Variants in DOCK1 observed in about 807,000 individuals in gnomAD.
DOCK1 encodes dedicator of cytokinesis protein 1.
A neutral mutation model predicts 262.7 loss-of-function variants in DOCK1; 138 were observed. That is an observed-to-expected ratio of 0.53 (90% CI 0.46 to 0.61). The LOEUF (loss-of-function observed/expected upper bound fraction) is 0.61, where lower values mean the gene tolerates loss of function less well. Ranked by LOEUF, DOCK1 falls within the 20% of genes least tolerant of loss-of-function variation. The pLI is 0.00. For synonymous variants in DOCK1, 866 were observed against 867.4 expected (o/e 1.00, Z 0.03); for missense variants, 1,908 against 2,370.7 (o/e 0.80, Z 4.05).
chr10:127,175,735 C>A lies in DOCK1; in HGVS notation c.2847+47971C>A. On this transcript the variant is annotated intron_variant, in intron 27 of 51. Coordinates refer to ENST00000623213, the MANE Select transcript of DOCK1 (RefSeq NM_001290223.2). The surrounding 1 kb of genome is among the most constrained non-coding windows in gnomAD (Gnocchi z 6.3). ...TTGGCCCTCCCGAGCAGCTGGTAAT[C>A]GGGCTCTTCGGATGGAGGCCGAGTG... 1 of 1,614,078 alleles carries A rather than the reference C, an allele frequency of 6.2e-7. No homozygotes were observed. Among genetic ancestry groups the A allele is most frequent in the Non-Finnish European group, 8.5e-7 (1 of 1,180,032 alleles).
intron 1 of DOCK1, among the ~76,000 whole-genome samples, chr10:126,925,211 A>G (rs1431474516): frequency 6.6e-6 from 1 of 152,224 alleles, no homozygotes; most frequent in Admixed American, 6.5e-5. Context: ...CTGGGCAATA[A>G]GCCTAACATA....
At chr10:127,078,535 T>C (rs912259944) in intron 23 of DOCK1, among the ~76,000 whole-genome samples, 9 of 152,160 alleles carry the variant, frequency 5.9e-5, no homozygotes, top group African/African-American at 1.7e-4. Context: ...TGACATTCTG[T>C]GTATGCGCAA....
chr10:126,981,836 A>G (rs551016968), intron 3 of DOCK1, 82 bp from the exon 4 acceptor site: 36 of 1,437,088 alleles, frequency 2.5e-5, no homozygotes, highest in Non-Finnish European at 3.0e-5. Flanking sequence ...CCCTCACCCC[A>G]CCTTTTTGGG....
At chr10:126,911,690 C>T (rs1036567095) in intron 1 of DOCK1, among the ~76,000 whole-genome samples, 2 of 152,126 alleles carry the variant, frequency 1.3e-5, no homozygotes, top group Non-Finnish European at 2.9e-5. Flanking sequence ...AGCCTGGTTT[C>T]TGCGTTTTTA....
chr10:127,295,521 C>CA (rs1050972681), intron 29 of DOCK1, among the ~76,000 whole-genome samples: 8 of 151,818 alleles, frequency 5.3e-5, no homozygotes, highest in Admixed American at 3.9e-4. Context: ...CCCCTCCCTA[C>CA]AAAAAAAATT....
rs539803939 is a variant in DOCK1 at position 127,074,686 on chromosome 10, T to C, written c.2445+12910T>C. 4.0e-3 allele frequency among the ~76,000 whole-genome samples: 605 copies of C among 152,318 alleles called. 1 individual carries two copies. Among genetic ancestry groups the C allele is most frequent in the Middle Eastern group, 6.8e-3 (2 of 294 alleles). On this transcript the variant is annotated intron_variant, in intron 23 of 51. Transcript: ENST00000623213. Reference sequence around the variant, plus strand: ...AGATAGTAATTCTTAGCATCACTATTTTTTAAATCACAAATTGTCTTCTAT... The same window carrying C: ...AGATAGTAATTCTTAGCATCACTATCTTTTAAATCACAAATTGTCTTCTAT...
intron 24 of DOCK1, among the ~76,000 whole-genome samples, chr10:127,108,741 A>G (rs1391141996): frequency 6.6e-6 from 1 of 152,236 alleles, no homozygotes; most frequent in Non-Finnish European, 1.5e-5. Context: ...AGCAGCAACA[A>G]TAGACGCAGC....
chr10:127,020,775 G>GA (rs2042361354), intron 13 of DOCK1, among the ~76,000 whole-genome samples: 2 of 152,154 alleles, frequency 1.3e-5, no homozygotes, highest in Non-Finnish European at 1.5e-5. Context: ...CAGAGAGAGA[G>GA]AGAGTATGGG....
chr10:127,073,353 A>G (rs926348986), intron 23 of DOCK1, among the ~76,000 whole-genome samples: 5 of 152,210 alleles, frequency 3.3e-5, no homozygotes, highest in Non-Finnish European at 7.3e-5. Flanking sequence ...TCAACACAAT[A>G]TTTATGGAGA....
chr10:127,180,895 T>C (rs548566689), intron 27 of DOCK1, among the ~76,000 whole-genome samples: 22 of 152,344 alleles, frequency 1.4e-4, no homozygotes, highest in South Asian at 4.1e-4. Context: ...GGTATTAAGA[T>C]AGCACATTCG....
rs2040356996 is a variant in DOCK1 at position 126,998,345 on chromosome 10, C to T, written c.767+96C>T. The T allele has an allele frequency of 4.0e-6, 6 of 1,509,236 alleles. No individual in the cohort carries two copies. The Admixed American group carries it at 8.9e-5, about 22-fold the overall frequency. 93.5% of individuals were successfully genotyped at this position (1,509,236 alleles called of 1,614,324 possible). A position where few individuals can be genotyped will look rare whatever the true frequency, so the allele number is the denominator to read the frequency against. On this transcript the variant is annotated intron_variant, in intron 8 of 51. Transcript: ENST00000623213. ...AAGCGTCCCATTCATGCTGAGAGGCCTTGGATGAATGGCTGCTGGACACGA... is the reference window on the plus strand; with the variant it reads ...AAGCGTCCCATTCATGCTGAGAGGCTTTGGATGAATGGCTGCTGGACACGA...
At chr10:127,291,725 G>C (rs1314777053) in intron 29 of DOCK1, among the ~76,000 whole-genome samples, 1 of 152,208 alleles carries the variant, frequency 6.6e-6, no homozygotes, top group Non-Finnish European at 1.5e-5. Flanking sequence ...ACAGAGCTCG[G>C]CCTTTCTGCT....
intron 32 of DOCK1, among the ~76,000 whole-genome samples, chr10:127,359,530 A>G (rs552700050): frequency 6.6e-6 from 1 of 152,344 alleles, no homozygotes; most frequent in East Asian, 1.9e-4. Context: ...TAATACAAGG[A>G]AAGTGTCACC....
At chr10:127,401,587 A>G (rs1201636403) in intron 38 of DOCK1, among the ~76,000 whole-genome samples, 2 of 152,118 alleles carry the variant, frequency 1.3e-5, no homozygotes, top group Non-Finnish European at 2.9e-5. Flanking sequence ...TTTGCCTCTC[A>G]ATTCACATGC....
chr10:127,049,477 C>T (rs947608532), intron 21 of DOCK1, among the ~76,000 whole-genome samples: 35 of 151,958 alleles, frequency 2.3e-4, no homozygotes, highest in Non-Finnish European at 4.6e-4. Flanking sequence ...GCCACGATCA[C>T]GCTACTGCAC....
At chr10:127,028,736 G>GTTCACAGCTA (rs2043045238) in intron 16 of DOCK1, among the ~76,000 whole-genome samples, 1 of 152,206 alleles carries the variant, frequency 6.6e-6, no homozygotes, top group South Asian at 2.1e-4. Context: ...GCTAGGGCGT[G>GTTCACAGCTA]GCAGCCTGTG....
chr10:127,151,996 T>C (rs1184751472), intron 27 of DOCK1, among the ~76,000 whole-genome samples: 1 of 117,256 alleles, frequency 8.5e-6, no homozygotes. Flanking sequence ...TTCAGTTAGG[T>C]TAAACAGTGT....
intron 38 of DOCK1, among the ~76,000 whole-genome samples, chr10:127,401,100 A>T (rs2067197070): frequency 6.6e-6 from 1 of 151,916 alleles, no homozygotes; most frequent in South Asian, 2.1e-4. Flanking sequence ...GAAGCAACTC[A>T]GCTCAAGAGG....
intron 15 of DOCK1, chr10:127,025,018 GTCTTTTT>G: frequency 5.1e-6 from 2 of 392,862 alleles, no homozygotes; most frequent in Admixed American, 4.0e-5. Context: ...AAATGACAGA[GTCTTTTT>G]AAGATAGCTA....
Sources: allele counts gnomAD v4.1 joint callset (sites outside exome capture counted in the v4.1 genomes callset), GRCh38; gene constraint gnomAD v4.1.1; non-coding constraint Gnocchi (gnomAD v3.1); transcripts MANE v1.5; gene names NCBI Gene and HGNC (gene_info 2026-07-23, HGNC 2026-07-21).